Variants in BMERB1 observed in about 807,000 individuals in gnomAD.
BMERB1 encodes the protein bMERB domain containing 1, also known as bMERB domain-containing protein 1.
Under a neutral mutation model 23.6 loss-of-function variants are expected in BMERB1, and 12 were observed. The ratio of observed to expected loss-of-function variants is 0.51; its 90% confidence interval spans 0.33 to 0.82. The LOEUF (loss-of-function observed/expected upper bound fraction) is 0.82. Among genes scored for constraint, BMERB1 ranks in the 40% least tolerant of loss-of-function variants. BMERB1 has a pLI of 0.03. For missense variants in BMERB1, 247 were observed against 255.4 expected (o/e 0.97, Z 0.22); for synonymous variants, 122 against 96.6 (o/e 1.26, Z -1.54).
intron 3 of BMERB1, among the ~76,000 whole-genome samples, chr16:15,573,320 G>T (rs1453773140): frequency 6.6e-6 from 1 of 152,186 alleles, no homozygotes; most frequent in East Asian, 1.9e-4. Context: ...TTACAATAGA[G>T]AAAGAGTAAT....
intron 5 of BMERB1, among the ~76,000 whole-genome samples, chr16:15,585,880 G>C (rs1278051000): frequency 6.6e-6 from 1 of 152,050 alleles, no homozygotes; most frequent in Non-Finnish European, 1.5e-5. Flanking sequence ...ACCATGAGGA[G>C]AATCAGTAGA....
At chr16:15,535,629 A>G (rs2052017246) in intron 2 of BMERB1, among the ~76,000 whole-genome samples, 2 of 149,280 alleles carry the variant, frequency 1.3e-5, no homozygotes, top group African/African-American at 2.5e-5. Context: ...CAGCCTGGCG[A>G]CAGAGCAAGA....
chr16:15,478,361 A>C (rs1425289021), intron 1 of BMERB1, among the ~76,000 whole-genome samples: 1 of 152,000 alleles, frequency 6.6e-6, no homozygotes, highest in Non-Finnish European at 1.5e-5. Context: ...GGGTTTCACC[A>C]TGTTGGCCAA....
At position 15,557,656 on chromosome 16, in the gene BMERB1, A is replaced by G. The variant is rs559105098; in HGVS notation, c.231-10327A>G. Among the ~76,000 whole-genome samples, 3 of 152,334 alleles carry G rather than the reference A, an allele frequency of 2.0e-5. No individual in the cohort carries two copies. The South Asian group carries it at 6.2e-4, about 32-fold the overall frequency. On this transcript the variant is annotated intron_variant, in intron 2 of 5. Coordinates refer to ENST00000300006, the MANE Select transcript of BMERB1 (RefSeq NM_033201.3). Reference sequence around the variant, plus strand: ...CTGTCTCTGTTTGCCTGGGACTGAGAGGTTTCCAAGGATCTGGAAACTGCA... The same window carrying G: ...CTGTCTCTGTTTGCCTGGGACTGAGGGGTTTCCAAGGATCTGGAAACTGCA...
At chr16:15,568,881 A>G (rs2030650810) in intron 3 of BMERB1, among the ~76,000 whole-genome samples, 1 of 152,064 alleles carries the variant, frequency 6.6e-6, no homozygotes. Flanking sequence ...CCTGCCCATC[A>G]GGCTGTGTTA....
chr16:15,470,661 G>C (rs560008308), intron 1 of BMERB1, among the ~76,000 whole-genome samples: 1 of 151,568 alleles, frequency 6.6e-6, no homozygotes, highest in Admixed American at 6.6e-5. Context: ...AGGTAGCTGG[G>C]ATTACAGGCA....
chr16:15,513,292 A>T (rs1221473421), intron 1 of BMERB1, among the ~76,000 whole-genome samples: 1 of 152,126 alleles, frequency 6.6e-6, no homozygotes, highest in Non-Finnish European at 1.5e-5. Context: ...AGTGGGGAAA[A>T]AATAGGAAAC....
chr16:15,512,387 C>T (rs2051679316), intron 1 of BMERB1, among the ~76,000 whole-genome samples: 1 of 152,188 alleles, frequency 6.6e-6, no homozygotes, highest in Non-Finnish European at 1.5e-5. Flanking sequence ...GCCCTAAACC[C>T]TGTGCACGTG....
chr16:15,570,681 G>T (rs902337898), intron 3 of BMERB1, among the ~76,000 whole-genome samples: 9 of 152,156 alleles, frequency 5.9e-5, no homozygotes, highest in African/African-American at 2.2e-4. Context: ...AGGAATAAAA[G>T]AATGGCTACT....
chr16:15,568,194 C>A, intron 3 of BMERB1, 138 bp downstream of exon 3: 2 of 679,086 alleles, frequency 2.9e-6, no homozygotes, highest in South Asian at 3.8e-5. Flanking sequence ...TCAAACACAA[C>A]TTCGAGTCAG....
At chr16:15,460,679 C>CAT (rs763094819) in intron 1 of BMERB1, among the ~76,000 whole-genome samples, 26 of 152,320 alleles carry the variant, frequency 1.7e-4, no homozygotes, top group Non-Finnish European at 3.1e-4. Flanking sequence ...CACATCCACA[C>CAT]ATATTGGCTG....
intron 2 of BMERB1, among the ~76,000 whole-genome samples, chr16:15,565,276 T>C (rs1398890181): frequency 1.3e-5 from 2 of 152,218 alleles, no homozygotes; most frequent in South Asian, 2.1e-4. Flanking sequence ...GTGTACTCAG[T>C]TGAGCCTCTT....
In BMERB1 at chr16:15,461,269, G is replaced by A. The variant is rs973882173; in HGVS notation, c.106+26510G>A. On this transcript the variant is annotated intron_variant, in intron 1 of 5. Coordinates refer to ENST00000300006, the MANE Select transcript of BMERB1 (RefSeq NM_033201.3). The stretch of plus-strand genomic sequence containing the variant: ...ATCACTCCTGGCAGGAGCGACCCCC[G>A]GGCTCAGTTCACCAGGTGAAAGGAA... Among the ~76,000 whole-genome samples the A allele has an allele frequency of 3.9e-5, 6 of 152,198 alleles. No homozygotes were observed. In the South Asian group the frequency reaches 6.2e-4, roughly 16 times the overall value.
chr16:15,475,898 T>C (rs1055093634), intron 1 of BMERB1, among the ~76,000 whole-genome samples: 2 of 152,180 alleles, frequency 1.3e-5, no homozygotes, highest in Non-Finnish European at 2.9e-5. Flanking sequence ...CCAGAGTTTT[T>C]ATTGGGGCTC....
intron 1 of BMERB1, among the ~76,000 whole-genome samples, chr16:15,475,755 C>T (rs943165479): frequency 6.6e-6 from 1 of 152,180 alleles, no homozygotes; most frequent in Non-Finnish European, 1.5e-5. Flanking sequence ...GCTACCCCAG[C>T]AGGGGAATCA....
chr16:15,575,294 A>G (rs139592526), intron 3 of BMERB1, among the ~76,000 whole-genome samples: 176 of 152,294 alleles, frequency 1.2e-3, no homozygotes, highest in African/African-American at 4.1e-3. Flanking sequence ...CAACTCAGAC[A>G]TATATGCTAA....
chr16:15,545,005 C>T (rs2052120033), intron 2 of BMERB1, among the ~76,000 whole-genome samples: 2 of 152,072 alleles, frequency 1.3e-5, no homozygotes, highest in Admixed American at 1.3e-4. Flanking sequence ...CGGAGTCTCG[C>T]TCTATCACCC....
chr16:15,443,973 G>A (rs1309346147), intron 1 of BMERB1, among the ~76,000 whole-genome samples: 1 of 151,844 alleles, frequency 6.6e-6, no homozygotes, highest in African/African-American at 2.4e-5. Flanking sequence ...GGAGCTGCAG[G>A]CCAACAGCAA....
intron 1 of BMERB1, among the ~76,000 whole-genome samples, chr16:15,466,871 A>T (rs969713234): frequency 1.3e-5 from 2 of 152,038 alleles, no homozygotes; most frequent in African/African-American, 4.8e-5. Context: ...GCCCCATTCA[A>T]CCCCTAGCAA....
Sources: allele counts gnomAD v4.1 joint callset (sites outside exome capture counted in the v4.1 genomes callset), GRCh38; gene constraint gnomAD v4.1.1; transcripts MANE v1.5; gene names NCBI Gene and HGNC (gene_info 2026-07-23, HGNC 2026-07-21).